Variants in COL25A1 observed in about 807,000 individuals in gnomAD.
The protein encoded by COL25A1 is collagen alpha-1(XXV) chain.
Under a neutral mutation model 128.4 loss-of-function variants are expected in COL25A1, and 103 were observed. The observed-to-expected ratio is 0.80, with a 90% CI of 0.68 to 0.94. COL25A1 has a LOEUF of 0.94. Among genes scored for constraint, COL25A1 ranks in the 40% least tolerant of loss-of-function variants. The probability of loss-of-function intolerance (pLI) is 0.00; values close to 1 mark genes in which losing one functional copy is unlikely to be tolerated. For synonymous variants in COL25A1, 279 were observed against 277.2 expected (o/e 1.01, Z -0.06); for missense variants, 745 against 840.0 (o/e 0.89, Z 1.40).
At chr4:109,122,191 G>T (rs1318609537) in intron 3 of COL25A1, among the ~76,000 whole-genome samples, 1 of 152,100 alleles carries the variant, frequency 6.6e-6, no homozygotes, top group Non-Finnish European at 1.5e-5. Flanking sequence ...GGATACTACA[G>T]TGTTGGCTAC....
intron 3 of COL25A1, among the ~76,000 whole-genome samples, chr4:109,197,451 TA>T (rs1776178450): frequency 8.4e-6 from 1 of 119,614 alleles, no homozygotes; most frequent in African/African-American, 3.1e-5. Context: ...TTATATATAT[TA>T]TATATAAATA....
In COL25A1 at chr4:108,931,134, CT is replaced by C. The variant is rs79066717; in HGVS notation, c.708+6673del. On this transcript the variant is annotated intron_variant, in intron 11 of 37. Transcript: ENST00000399132. ...TTGGAGAAGGAGACAATTTTTAAGA[CT>C]TTCTTCTATTCAAAACTTAGCATAT... Among the ~76,000 whole-genome samples, 71 of 152,252 alleles carry C rather than the reference CT, an allele frequency of 4.7e-4. No individual in the cohort carries two copies. In the East Asian group the frequency reaches 0.013, roughly 29 times the overall value.
intron 3 of COL25A1, among the ~76,000 whole-genome samples, chr4:109,101,771 T>C (rs1231834978): frequency 2.0e-5 from 3 of 152,230 alleles, no homozygotes; most frequent in African/African-American, 7.2e-5. Context: ...CAGGCTGACA[T>C]CTGGCTGTCT....
chr4:109,191,481 C>T (rs1487834369), intron 3 of COL25A1, among the ~76,000 whole-genome samples: 1 of 152,162 alleles, frequency 6.6e-6, no homozygotes, highest in Non-Finnish European at 1.5e-5. Flanking sequence ...GGCTTAGCAG[C>T]CCACTGTTTC....
chr4:109,244,494 T>C (rs1284146459), intron 3 of COL25A1, among the ~76,000 whole-genome samples: 3 of 152,070 alleles, frequency 2.0e-5, no homozygotes, highest in Admixed American at 6.6e-5. Flanking sequence ...TAAAAAGGAG[T>C]TGAAGCATCT....
At chr4:108,969,492 C>T (rs1560949894) in intron 8 of COL25A1, among the ~76,000 whole-genome samples, 1 of 152,182 alleles carries the variant, frequency 6.6e-6, no homozygotes, top group Non-Finnish European at 1.5e-5. Flanking sequence ...CTATCAACTG[C>T]CTTCTCCAAA....
At chr4:109,188,665 T>C (rs1352288368) in intron 3 of COL25A1, among the ~76,000 whole-genome samples, 3 of 152,112 alleles carry the variant, frequency 2.0e-5, no homozygotes, top group Non-Finnish European at 2.9e-5. Context: ...TATAGATCTA[T>C]CTCTTATCTC....
intron 3 of COL25A1, among the ~76,000 whole-genome samples, chr4:109,288,102 G>A (rs1312265813): frequency 6.6e-6 from 1 of 152,148 alleles, no homozygotes; most frequent in East Asian, 1.9e-4. Flanking sequence ...GCAACCATAT[G>A]CTCATATCAG....
chr4:109,104,922 A>AATTGCT (rs1422724954), intron 3 of COL25A1, among the ~76,000 whole-genome samples: 1 of 152,216 alleles, frequency 6.6e-6, no homozygotes, highest in Non-Finnish European at 1.5e-5. Flanking sequence ...ATTTAATAAA[A>AATTGCT]ATTGCTATTT....
At chr4:109,283,909 A>C (rs115016154) in intron 3 of COL25A1, among the ~76,000 whole-genome samples, 1,870 of 152,336 alleles carry the variant, frequency 0.012, 34 homozygotes, top group African/African-American at 0.043. Context: ...ATCAACCCAC[A>C]GAACAGTTTA....
Position 108,813,451 on chromosome 4 carries a change from A to G in COL25A1, c.*476T>C, listed in dbSNP as rs1403088652. Reference sequence around the variant, plus strand: ...AGTCATGCTTTTTTAGTTAGTTTCAATGGGTGGTGTAGGTATGAGTCAACG... The same window carrying G: ...AGTCATGCTTTTTTAGTTAGTTTCAGTGGGTGGTGTAGGTATGAGTCAACG... On this transcript the variant is annotated 3_prime_UTR_variant, in exon 38 of 38. Coordinates refer to ENST00000399132, the MANE Select transcript of COL25A1 (RefSeq NM_198721.4). 3 of 153,852 alleles carry G rather than the reference A, an allele frequency of 1.9e-5. No homozygotes were observed. The highest frequency in any genetic ancestry group is 2.9e-5 in the Non-Finnish European group (2 of 69,138). 9.5% of individuals were successfully genotyped at this position (153,852 alleles called of 1,614,324 possible).
intron 19 of COL25A1, among the ~76,000 whole-genome samples, chr4:108,881,892 C>G (rs867089820): frequency 6.6e-6 from 1 of 152,070 alleles, no homozygotes; most frequent in African/African-American, 2.4e-5. Flanking sequence ...AAATCAAATA[C>G]CAGATAGTTA....
At chr4:109,285,348 C>T (rs1239688538) in intron 3 of COL25A1, among the ~76,000 whole-genome samples, 4 of 152,020 alleles carry the variant, frequency 2.6e-5, no homozygotes, top group Non-Finnish European at 5.9e-5. Context: ...ACAAATTGTC[C>T]AAAATTGAAA....
chr4:108,904,800 CTTTAAA>C (rs1426639021), intron 13 of COL25A1, among the ~76,000 whole-genome samples: 3 of 152,094 alleles, frequency 2.0e-5, no homozygotes, highest in African/African-American at 7.2e-5. Context: ...GTCTACTATA[CTTTAAA>C]TTTAAAGGCT....
chr4:109,020,438 C>T (rs1280375538), intron 5 of COL25A1, among the ~76,000 whole-genome samples: 1 of 145,786 alleles, frequency 6.9e-6, no homozygotes, highest in East Asian at 2.0e-4. Flanking sequence ...CATCTAAAAC[C>T]TGGTGGATAT....
intron 3 of COL25A1, among the ~76,000 whole-genome samples, chr4:109,121,005 T>C (rs1768062408): frequency 6.6e-6 from 1 of 152,160 alleles, no homozygotes; most frequent in South Asian, 2.1e-4. Context: ...ATATTCAATA[T>C]TATCAAGACA....
At chr4:108,997,251 A>G (rs562355442) in intron 6 of COL25A1, among the ~76,000 whole-genome samples, 1 of 152,336 alleles carries the variant, frequency 6.6e-6, no homozygotes, top group East Asian at 1.9e-4. Flanking sequence ...AAGAAAAGAG[A>G]GAAGAATCAA....
At position 109,071,490 on chromosome 4, in the gene COL25A1, C is replaced by T. The variant is rs911754392; in HGVS notation, c.368-21311G>A. Among the ~76,000 whole-genome samples, 10 of 151,572 alleles carry T rather than the reference C, an allele frequency of 6.6e-5. No homozygotes were observed. In the East Asian group the frequency reaches 2.0e-3, roughly 30 times the overall value. ...AGAGCTTCTGCACAGCAAAAGAAAC[C>T]ACCATCAGAGTGAACAGGCAACCTA... On this transcript the variant is annotated intron_variant, in intron 3 of 37. Coordinates refer to ENST00000399132, the MANE Select transcript of COL25A1 (RefSeq NM_198721.4).
intron 3 of COL25A1, among the ~76,000 whole-genome samples, chr4:109,081,075 C>A (rs1455257282): frequency 6.6e-6 from 1 of 152,210 alleles, no homozygotes; most frequent in Non-Finnish European, 1.5e-5. Flanking sequence ...AGAAGCATTT[C>A]ATGCATGGTC....
Sources: gnomAD v4.1 joint callset for allele counts (sites outside exome capture counted in the v4.1 genomes callset) on GRCh38, gnomAD v4.1.1 for gene constraint, MANE v1.5 for transcripts, NCBI Gene and HGNC (gene_info 2026-07-23, HGNC 2026-07-21) for gene names.